Variants in MSRB3 observed in about 807,000 individuals in gnomAD.
The protein encoded by MSRB3 is methionine sulfoxide reductase B3.
MSRB3 carries 13 observed loss-of-function variants against 21.0 expected under a neutral mutation model. That is an observed-to-expected ratio of 0.62 (90% CI 0.40 to 0.98). The LOEUF (loss-of-function observed/expected upper bound fraction) is 0.98, where lower values mean the gene tolerates loss of function less well. Among genes scored for constraint, MSRB3 ranks in the 50% least tolerant of loss-of-function variants. The pLI is 0.00. For synonymous variants in MSRB3, 87 were observed against 88.6 expected (o/e 0.98, Z 0.10); for missense variants, 199 against 230.3 (o/e 0.86, Z 0.88).
intron 5 of MSRB3, among the ~76,000 whole-genome samples, chr12:65,383,660 ATT>A (rs59427831): frequency 0.58 from 79,901 of 137,826 alleles, 23,068 homozygotes; most frequent in South Asian, 0.7. Context: ...TGTTAGTAGA[ATT>A]TTTTTTTTTT....
intron 4 of MSRB3, among the ~76,000 whole-genome samples, chr12:65,337,268 CA>C (rs546160699): frequency 4.0e-5 from 6 of 148,412 alleles, no homozygotes; most frequent in East Asian, 2.0e-4. Context: ...CAAAACAAAA[CA>C]AAAAAAAACC....
intron 4 of MSRB3, among the ~76,000 whole-genome samples, chr12:65,337,365 T>C (rs1200524465): frequency 8.0e-6 from 1 of 124,904 alleles, no homozygotes; most frequent in Admixed American, 1.1e-4. Flanking sequence ...ACCCGGGAGA[T>C]AGAGATGGCA....
chr12:65,333,082 C>T (rs562003661), intron 4 of MSRB3, among the ~76,000 whole-genome samples: 21 of 152,240 alleles, frequency 1.4e-4, no homozygotes, highest in Admixed American at 2.6e-4. Flanking sequence ...ATTTATTGCA[C>T]ATCAGATAAA....
At chr12:65,316,119 T>C (rs1446707804) in intron 2 of MSRB3, 2 of 152,168 alleles carry the variant, frequency 1.3e-5, no homozygotes, top group African/African-American at 4.8e-5. Flanking sequence ...TATTTACTAG[T>C]TTGTTTCTAC....
At position 65,308,625 on chromosome 12, in the gene MSRB3, G is replaced by A; in HGVS notation, c.46G>A (p.Val16Ile). The change falls in exon 2 of 7, where the codon GTA becomes ATA. Residue 16 changes from valine to isoleucine, a missense_variant. Transcript: ENST00000308259. ...GCATTTGGTGACAAAGAGCCAGCCA[G>A]TAGCCCTTCGAGCCTGTGGGCTTCC... ...LLHLVTKSQP[V>I]ALRACGLPSG... 1.2e-6 allele frequency: 2 copies of A among 1,613,996 alleles called. No homozygotes were observed.
chr12:65,370,512 CTTGAAGGTAGAA>C (rs1878259071), intron 5 of MSRB3, among the ~76,000 whole-genome samples: 1 of 152,108 alleles, frequency 6.6e-6, no homozygotes, highest in South Asian at 2.1e-4. Flanking sequence ...CTAGGTTCAT[CTTGAAGGTAGAA>C]TTGAAGGTAG....
chr12:65,409,963 C>A (rs1404189541), intron 5 of MSRB3, among the ~76,000 whole-genome samples: 1 of 152,100 alleles, frequency 6.6e-6, no homozygotes, highest in African/African-American at 2.4e-5. Context: ...TAACTTCCAT[C>A]TGGATTTTAT....
At chr12:65,369,714 A>G (rs1013849019) in intron 5 of MSRB3, among the ~76,000 whole-genome samples, 5 of 152,206 alleles carry the variant, frequency 3.3e-5, no homozygotes, top group African/African-American at 1.2e-4. Context: ...ATTAAAGCAC[A>G]AAAATTGCCT....
At chr12:65,380,079 A>T (rs951816814) in intron 5 of MSRB3, among the ~76,000 whole-genome samples, 3 of 152,256 alleles carry the variant, frequency 2.0e-5, no homozygotes, top group African/African-American at 7.2e-5. Flanking sequence ...AATTTAGAAG[A>T]CATGAATTAC....
At chr12:65,325,163 T>C (rs561799855) in intron 2 of MSRB3, among the ~76,000 whole-genome samples, 7 of 152,338 alleles carry the variant, frequency 4.6e-5, no homozygotes, top group African/African-American at 1.7e-4. Context: ...AGAGCCACTT[T>C]GCATTCAAGC....
intron 5 of MSRB3, among the ~76,000 whole-genome samples, chr12:65,417,388 G>A (rs571732430): frequency 6.6e-6 from 1 of 152,230 alleles, no homozygotes; most frequent in Admixed American, 6.5e-5. Flanking sequence ...AGTAAAAATT[G>A]TATATAATTA....
At chr12:65,319,220 T>C (rs1874506144) in intron 2 of MSRB3, among the ~76,000 whole-genome samples, 1 of 152,204 alleles carries the variant, frequency 6.6e-6, no homozygotes, top group Non-Finnish European at 1.5e-5. Flanking sequence ...TTTTCAAATC[T>C]GAACCTACAT....
At chr12:65,309,995 A>G (rs1873891763) in intron 2 of MSRB3, among the ~76,000 whole-genome samples, 1 of 152,152 alleles carries the variant, frequency 6.6e-6, no homozygotes, top group Non-Finnish European at 1.5e-5. Flanking sequence ...CATTTTACAA[A>G]GATTATTGAT....
intron 1 of MSRB3, among the ~76,000 whole-genome samples, chr12:65,297,181 G>A (rs1443748335): frequency 6.6e-6 from 1 of 152,016 alleles, no homozygotes; most frequent in African/African-American, 2.4e-5. Context: ...AGAACACATG[G>A]ACACAGGGAG....
At chr12:65,302,560 G>A (rs1873398784) in intron 1 of MSRB3, among the ~76,000 whole-genome samples, 1 of 151,170 alleles carries the variant, frequency 6.6e-6, no homozygotes, top group South Asian at 2.1e-4. Flanking sequence ...AATTGAGTAA[G>A]TTAAAAAAAA....
intron 1 of MSRB3, among the ~76,000 whole-genome samples, chr12:65,304,400 G>C (rs1433247184): frequency 6.6e-6 from 1 of 152,184 alleles, no homozygotes; most frequent in Non-Finnish European, 1.5e-5. Flanking sequence ...GTATTGTGCA[G>C]TCAGTATTTT....
chr12:65,376,168 A>G (rs1001077865), intron 5 of MSRB3, among the ~76,000 whole-genome samples: 22 of 139,884 alleles, frequency 1.6e-4, no homozygotes, highest in Non-Finnish European at 2.3e-4. Flanking sequence ...CGCCCAGGCC[A>G]GAGTGCAGTG....
intron 4 of MSRB3, among the ~76,000 whole-genome samples, chr12:65,360,597 C>G (rs1446548400): frequency 6.6e-6 from 1 of 152,016 alleles, no homozygotes; most frequent in Non-Finnish European, 1.5e-5. Flanking sequence ...TCCTCTGTTC[C>G]CTTCTCTCTG....
At chr12:65,411,704 T>C (rs921067562) in intron 5 of MSRB3, among the ~76,000 whole-genome samples, 1 of 150,786 alleles carries the variant, frequency 6.6e-6, no homozygotes. Context: ...ACTCAGTCTA[T>C]TAATGCAGAA....
Sources: gnomAD v4.1 joint callset for allele counts (sites outside exome capture counted in the v4.1 genomes callset) on GRCh38, gnomAD v4.1.1 for gene constraint, MANE v1.5 for transcripts, NCBI Gene and HGNC (gene_info 2026-07-23, HGNC 2026-07-21) for gene names.